NLRP11: variants seen among roughly 807,000 people sequenced by gnomAD.
NLRP11 encodes NLR family pyrin domain containing 11.
NLRP11 carries 53 observed loss-of-function variants against 79.3 expected under a neutral mutation model. The observed-to-expected ratio is 0.67, with a 90% CI of 0.54 to 0.84. The LOEUF is 0.84. NLRP11 is among the 40% of genes least tolerant of loss of function. The pLI, the probability that NLRP11 is intolerant of heterozygous loss-of-function variation, is 0.00. For synonymous variants in NLRP11, 518 were observed against 462.6 expected, an observed-to-expected ratio of 1.12 and a Z score of -1.54; for missense variants, 1,264 against 1,255.0, an observed-to-expected ratio of 1.01 and a Z score of -0.11.
At chr19:55,831,249 T>C (rs1982760283) in intron 1 of NLRP11, among the ~76,000 whole-genome samples, 1 of 151,036 alleles carries the variant, frequency 6.6e-6, no homozygotes, top group Non-Finnish European at 1.5e-5. Context: ...TAGGCACAAC[T>C]GACGGGCATT....
upstream of NLRP11, among the ~76,000 whole-genome samples, chr19:55,834,081 A>C (rs977604046): frequency 5.3e-5 from 8 of 152,230 alleles, no homozygotes; most frequent in Non-Finnish European, 1.2e-4. Flanking sequence ...GAGTTGGAGT[A>C]GGGAATGATT....
intron 6 of NLRP11, among the ~76,000 whole-genome samples, chr19:55,794,245 A>G (rs999590928): frequency 3.3e-5 from 5 of 152,198 alleles, no homozygotes; most frequent in Non-Finnish European, 5.9e-5. Context: ...TGATATGTAA[A>G]TTATACCTGG....
intron 6 of NLRP11, among the ~76,000 whole-genome samples, chr19:55,793,555 CCA>C (rs1568628275): frequency 6.5e-5 from 2 of 30,702 alleles, no homozygotes; most frequent in Admixed American, 6.0e-4. Flanking sequence ...GTGACTGTCT[CCA>C]AAAAAAAAAA....
chr19:55,802,412 T>A (rs1393747664), intron 4 of NLRP11, among the ~76,000 whole-genome samples: 1 of 152,188 alleles, frequency 6.6e-6, no homozygotes, highest in Non-Finnish European at 1.5e-5. Flanking sequence ...GGAAATGTAA[T>A]TCTATCCACA....
At chr19:55,816,256 T>A (rs1055196818) in intron 2 of NLRP11, among the ~76,000 whole-genome samples, 10 of 152,128 alleles carry the variant, frequency 6.6e-5, no homozygotes, top group African/African-American at 2.4e-4. Flanking sequence ...ACAAAACAGA[T>A]TCCATGACAA....
chr19:55,793,297 G>T (rs768974088), intron 6 of NLRP11, among the ~76,000 whole-genome samples: 1 of 152,014 alleles, frequency 6.6e-6, no homozygotes, highest in Non-Finnish European at 1.5e-5. Flanking sequence ...GGCCGGGCAC[G>T]GTGGTTCACA....
chr19:55,793,145 G>A (rs1369363239), intron 6 of NLRP11, among the ~76,000 whole-genome samples: 3 of 152,264 alleles, frequency 2.0e-5, no homozygotes, highest in Non-Finnish European at 2.9e-5. Flanking sequence ...CTCCCAAAGT[G>A]CCGGAATTAT....
At chr19:55,792,914 G>C (rs538260057) in intron 6 of NLRP11, among the ~76,000 whole-genome samples, 82 of 152,304 alleles carry the variant, frequency 5.4e-4, no homozygotes, top group African/African-American at 1.9e-3. Context: ...CACACCAGAA[G>C]CCCTGTTGTT....
chr19:55,833,230 G>T (rs1461796431), upstream of NLRP11, among the ~76,000 whole-genome samples: 2 of 152,088 alleles, frequency 1.3e-5, no homozygotes, highest in Non-Finnish European at 2.9e-5. Context: ...TTACATTCTT[G>T]TACAGGAATT....
In NLRP11 at chr19:55,809,160, G is replaced by T. The variant is rs775715079; in HGVS notation, c.1450C>A (p.Gln484Lys). ...AACACTTGATTAAAGTCAGAGTATT[G>T]TTCTCTCTTCTCTTTATACTCTCTG... Residue 484 changes from glutamine (Q) to lysine (K), a missense_variant, in exon 3 of 10, where the codon CAA becomes AAA. Transcript: ENST00000589093. The surrounding 1 kb of genome is among the most constrained non-coding windows in gnomAD (Gnocchi z 4.5). 28 of 1,613,712 alleles carry T rather than the reference G, an allele frequency of 1.7e-5. No homozygotes were observed. Among genetic ancestry groups the T allele is most frequent in the Non-Finnish European group, 2.2e-5 (26 of 1,179,764 alleles).
intron 2 of NLRP11, among the ~76,000 whole-genome samples, chr19:55,813,005 G>A: frequency 6.6e-6 from 1 of 152,134 alleles, no homozygotes; most frequent in Admixed American, 6.6e-5. Context: ...GTCCACTGAA[G>A]GTCAAAGGCA....
chr19:55,788,489 C>A (rs770654448), intron 9 of NLRP11, among the ~76,000 whole-genome samples: 1 of 151,290 alleles, frequency 6.6e-6, no homozygotes, highest in African/African-American at 2.4e-5. Flanking sequence ...GCCTATAATC[C>A]CAGCACTTCG....
intron 2 of NLRP11, among the ~76,000 whole-genome samples, chr19:55,811,772 C>A (rs1980626255): frequency 1.3e-5 from 2 of 152,150 alleles, no homozygotes; most frequent in East Asian, 1.9e-4. Flanking sequence ...AAAAAAAAAT[C>A]TTTGGAAGAT....
At chr19:55,836,047 C>T (rs1449471206), upstream of NLRP11, among the ~76,000 whole-genome samples, 1 of 152,188 alleles carries the variant, frequency 6.6e-6, no homozygotes, top group Non-Finnish European at 1.5e-5. Context: ...TCTCTTGAAC[C>T]CGGGAGGTGG....
intron 6 of NLRP11, 37 bp from the exon 7 acceptor site, chr19:55,792,508 G>A: frequency 6.3e-7 from 1 of 1,587,944 alleles, no homozygotes; most frequent in Non-Finnish European, 8.6e-7. Flanking sequence ...GACAGTGTGA[G>A]CACCAGAGAG....
At chr19:55,804,412 A>G (rs1979781996) in intron 4 of NLRP11, among the ~76,000 whole-genome samples, 1 of 152,156 alleles carries the variant, frequency 6.6e-6, no homozygotes, top group African/African-American at 2.4e-5. Flanking sequence ...ATACCATGGA[A>G]TACTATGCAG....
intron 4 of NLRP11, among the ~76,000 whole-genome samples, chr19:55,805,023 C>G (rs1979848956): frequency 6.8e-6 from 1 of 146,430 alleles, no homozygotes; most frequent in Non-Finnish European, 1.5e-5. Flanking sequence ...AGATCACGCA[C>G]TGCACTCTAG....
intron 2 of NLRP11, among the ~76,000 whole-genome samples, chr19:55,815,735 G>C (rs1459639172): frequency 6.6e-6 from 1 of 152,090 alleles, no homozygotes; most frequent in East Asian, 1.9e-4. Context: ...ATAAAATTAA[G>C]GAGTTCACTA....
At chr19:55,787,134 C>T (rs1989928373) in intron 9 of NLRP11, among the ~76,000 whole-genome samples, 1 of 152,148 alleles carries the variant, frequency 6.6e-6, no homozygotes, top group African/African-American at 2.4e-5. Flanking sequence ...TATACTTAGT[C>T]TCTAATTGAA....
Sources: gnomAD v4.1 joint callset for allele counts (sites outside exome capture counted in the v4.1 genomes callset) on GRCh38, gnomAD v4.1.1 for gene constraint, Gnocchi (gnomAD v3.1) non-coding constraint, MANE v1.5 for transcripts, NCBI Gene and HGNC (gene_info 2026-07-23, HGNC 2026-07-21) for gene names.